TNFSF4: variants seen among roughly 807,000 people sequenced by gnomAD.
TNFSF4 encodes the protein tumor necrosis factor ligand superfamily member 4.
In TNFSF4, 4 loss-of-function variants were observed where a neutral mutation model predicts 7.3. The ratio of observed to expected loss-of-function variants is 0.55; its 90% CI spans 0.27 to 1.25. The LOEUF (loss-of-function observed/expected upper bound fraction) is 1.25, where lower values mean the gene tolerates loss of function less well. Ranked by LOEUF, TNFSF4 falls within the 50% of genes most tolerant of loss-of-function variation. The pLI, the probability that TNFSF4 is intolerant of heterozygous loss-of-function variation, is 0.12. For missense variants in TNFSF4, 181 were observed against 208.8 expected, an observed-to-expected ratio of 0.87 and a Z score of 0.82; for synonymous variants, 76 against 83.7, an observed-to-expected ratio of 0.91 and a Z score of 0.50.
At chr1:173,214,568 T>G in the TNFSF4 span, among the ~76,000 whole-genome samples, 1 of 152,104 alleles carries the variant, frequency 6.6e-6, no homozygotes, top group Non-Finnish European at 1.5e-5. Flanking sequence ...ATAACACTAA[T>G]GATAGCTAAT....
Position 173,186,332 on chromosome 1 carries a change from G to A in TNFSF4, c.*184C>T, listed in dbSNP as rs375672897. ...ATATAAGGATAAATAAGATTAACTGGTATATAAAATAAGTTTTAAATATCC... is the reference window on the plus strand; with the variant it reads ...ATATAAGGATAAATAAGATTAACTGATATATAAAATAAGTTTTAAATATCC... On this transcript the variant is annotated 3_prime_UTR_variant, in exon 3 of 3. Transcript: ENST00000281834. 2 of 536,766 alleles carry A rather than the reference G, an allele frequency of 3.7e-6. No individual in the cohort carries two copies. Among genetic ancestry groups the A allele is most frequent in the Admixed American group, 3.6e-5 (1 of 27,878 alleles). 33.3% of individuals were successfully genotyped at this position (536,766 alleles called of 1,614,324 possible).
the TNFSF4 span, among the ~76,000 whole-genome samples, chr1:173,285,635 G>T: frequency 6.6e-6 from 1 of 152,170 alleles, no homozygotes; most frequent in Non-Finnish European, 1.5e-5. Flanking sequence ...ACCCTGATCA[G>T]TCAGTAGCCA....
chr1:173,266,664 C>T, the TNFSF4 span, among the ~76,000 whole-genome samples: 1 of 152,118 alleles, frequency 6.6e-6, no homozygotes, highest in African/African-American at 2.4e-5. Context: ...TGCCTTTCTC[C>T]CTTTTCTAGA....
the TNFSF4 span, among the ~76,000 whole-genome samples, chr1:173,430,169 G>A: frequency 1.5e-4 from 23 of 152,178 alleles, no homozygotes; most frequent in African/African-American, 5.3e-4. Context: ...GACGGTTGCA[G>A]GGAATCTAAT....
the TNFSF4 span, chr1:173,363,358 G>T: frequency 3.2e-6 from 1 of 313,052 alleles, no homozygotes; most frequent in South Asian, 3.4e-5. Flanking sequence ...TATCAACTGA[G>T]ATATCAGTTC....
the TNFSF4 span, among the ~76,000 whole-genome samples, chr1:173,294,036 A>T: frequency 5.9e-5 from 9 of 152,084 alleles, no homozygotes; most frequent in Non-Finnish European, 1.2e-4. Flanking sequence ...CACTGTGGAA[A>T]GCAATTTGAA....
chr1:173,443,875 G>A, the TNFSF4 span, among the ~76,000 whole-genome samples: 1 of 152,182 alleles, frequency 6.6e-6, no homozygotes, highest in Non-Finnish European at 1.5e-5. Context: ...AGTGCTGACT[G>A]TGCTGCAGTC....
At chr1:173,387,367 CAT>C in the TNFSF4 span, among the ~76,000 whole-genome samples, 4 of 152,184 alleles carry the variant, frequency 2.6e-5, no homozygotes, top group African/African-American at 9.6e-5. Flanking sequence ...CTTTCCCCCA[CAT>C]GAGGACACAG....
chr1:173,234,022 G>A, the TNFSF4 span, among the ~76,000 whole-genome samples: 1 of 152,280 alleles, frequency 6.6e-6, no homozygotes, highest in East Asian at 1.9e-4. Context: ...CCTACAGAAT[G>A]GGAGAAAATT....
chr1:173,434,439 T>C, the TNFSF4 span, among the ~76,000 whole-genome samples: 1 of 152,216 alleles, frequency 6.6e-6, no homozygotes, highest in Non-Finnish European at 1.5e-5. Flanking sequence ...GAGCAATCAG[T>C]GGGTTAACCT....
At chr1:173,194,223 G>T (rs1023552975) in intron 1 of TNFSF4, among the ~76,000 whole-genome samples, 6 of 152,186 alleles carry the variant, frequency 3.9e-5, no homozygotes, top group African/African-American at 1.2e-4. Context: ...GAATAGTATG[G>T]TTGTCATATT....
chr1:173,200,376 A>G (rs1241597160), intron 1 of TNFSF4, among the ~76,000 whole-genome samples: 1 of 152,234 alleles, frequency 6.6e-6, no homozygotes, highest in African/African-American at 2.4e-5. Flanking sequence ...CTCTGCAAAG[A>G]TGAGAGACTG....
At chr1:173,356,872 G>A in the TNFSF4 span, among the ~76,000 whole-genome samples, 4 of 152,204 alleles carry the variant, frequency 2.6e-5, no homozygotes, top group Admixed American at 2.0e-4. Flanking sequence ...GCTTTAAAAT[G>A]TAAGTGTAGG....
the TNFSF4 span, among the ~76,000 whole-genome samples, chr1:173,333,921 G>T: frequency 6.6e-6 from 1 of 151,974 alleles, no homozygotes; most frequent in Non-Finnish European, 1.5e-5. Context: ...AACTATATCA[G>T]CAGGGTTCAG....
the TNFSF4 span, among the ~76,000 whole-genome samples, chr1:173,327,869 G>A: frequency 1.3e-5 from 2 of 152,002 alleles, no homozygotes; most frequent in African/African-American, 2.4e-5. Flanking sequence ...TGCTGGAGAG[G>A]ATGTGGAGAA....
the TNFSF4 span, among the ~76,000 whole-genome samples, chr1:173,446,836 G>A: frequency 2.6e-5 from 4 of 152,216 alleles, no homozygotes; most frequent in Non-Finnish European, 1.5e-5. Context: ...AGGCTGCACT[G>A]TTGGCTTCCC....
intron 1 of TNFSF4, among the ~76,000 whole-genome samples, chr1:173,191,053 T>C (rs1033683871): frequency 2.6e-5 from 4 of 152,240 alleles, no homozygotes; most frequent in African/African-American, 9.6e-5. Flanking sequence ...CACTCCCTGA[T>C]CTAAAAGCCC....
the TNFSF4 span, among the ~76,000 whole-genome samples, chr1:173,393,459 A>C: frequency 6.6e-6 from 1 of 152,156 alleles, no homozygotes; most frequent in Non-Finnish European, 1.5e-5. Flanking sequence ...CTTCCAGCCT[A>C]TGACCATCCC....
At chr1:173,429,354 C>T in the TNFSF4 span, among the ~76,000 whole-genome samples, 2 of 152,176 alleles carry the variant, frequency 1.3e-5, no homozygotes. Flanking sequence ...TAGACATGTG[C>T]TCCCGACCCA....
Sources: gnomAD v4.1 joint callset for allele counts (sites outside exome capture counted in the v4.1 genomes callset) on GRCh38, gnomAD v4.1.1 for gene constraint, MANE v1.5 for transcripts, NCBI Gene and HGNC (gene_info 2026-07-23, HGNC 2026-07-21) for gene names.